Variants in PRDM5 observed in about 807,000 individuals in gnomAD.
PRDM5 encodes PR domain zinc finger protein 5.
PRDM5 carries 56 observed loss-of-function variants against 81.2 expected under a neutral mutation model. That is an observed-to-expected ratio of 0.69 (90% CI 0.56 to 0.86). The LOEUF (loss-of-function observed/expected upper bound fraction) is 0.86. PRDM5 is among the 40% of genes least tolerant of loss of function. The pLI, the probability that PRDM5 is intolerant of heterozygous loss-of-function variation, is 0.00. For missense variants in PRDM5, 697 were observed against 770.1 expected, an observed-to-expected ratio of 0.91 and a Z score of 1.12; for synonymous variants, 267 against 256.4, an observed-to-expected ratio of 1.04 and a Z score of -0.39.
At chr4:120,704,245 C>T (rs984465012) in intron 15 of PRDM5, among the ~76,000 whole-genome samples, 3 of 152,076 alleles carry the variant, frequency 2.0e-5, no homozygotes, top group African/African-American at 2.4e-5. Flanking sequence ...AACTGACTAC[C>T]CAGACATTAA....
intron 2 of PRDM5, among the ~76,000 whole-genome samples, chr4:120,883,313 T>C (rs1763053351): frequency 6.6e-6 from 1 of 152,178 alleles, no homozygotes; most frequent in African/African-American, 2.4e-5. Flanking sequence ...AATGTTTTCT[T>C]TTTCTAGTAT....
intron 2 of PRDM5, among the ~76,000 whole-genome samples, chr4:120,856,909 G>A (rs1433881594): frequency 6.6e-6 from 1 of 152,154 alleles, no homozygotes; most frequent in African/African-American, 2.4e-5. Context: ...GAAATGAAGT[G>A]TATTTGGTTA....
chr4:120,918,987 G>A (rs1724561321), intron 1 of PRDM5, among the ~76,000 whole-genome samples: 1 of 152,204 alleles, frequency 6.6e-6, no homozygotes, highest in Admixed American at 6.5e-5. Context: ...GCATGCCTCT[G>A]GCCAAAGCCC....
chr4:120,733,042 C>T (rs1234923929), intron 14 of PRDM5, among the ~76,000 whole-genome samples: 1 of 152,064 alleles, frequency 6.6e-6, no homozygotes, highest in Non-Finnish European at 1.5e-5. Context: ...TAGTCTCAAC[C>T]TACAAGACCA....
chr4:120,697,805 T>C (rs541419671), intron 15 of PRDM5, among the ~76,000 whole-genome samples: 1 of 150,542 alleles, frequency 6.6e-6, no homozygotes, highest in Non-Finnish European at 1.5e-5. Flanking sequence ...AGATGTGAGC[T>C]ACCACATCCA....
chr4:120,818,671 T>A, intron 4 of PRDM5, 144 bp from the exon 5 acceptor site: 3 of 715,588 alleles, frequency 4.2e-6, no homozygotes, highest in South Asian at 3.7e-5. Flanking sequence ...TAAATATTAA[T>A]AGTATTTGGC....
At chr4:120,740,188 G>T (rs1212545208) in intron 14 of PRDM5, among the ~76,000 whole-genome samples, 1 of 152,162 alleles carries the variant, frequency 6.6e-6, no homozygotes, top group Non-Finnish European at 1.5e-5. Context: ...AACAATAAAA[G>T]ATTCACTAAT....
intron 3 of PRDM5, among the ~76,000 whole-genome samples, chr4:120,835,624 A>C (rs546800098): frequency 6.6e-6 from 1 of 152,222 alleles, no homozygotes; most frequent in South Asian, 2.1e-4. Context: ...TCCATGTAGG[A>C]CGTGACTTGC....
intron 2 of PRDM5, among the ~76,000 whole-genome samples, chr4:120,871,071 C>T (rs898275269): frequency 6.6e-6 from 1 of 152,196 alleles, no homozygotes. Context: ...TCCCTCTCCA[C>T]ATGGGAAGAG....
chr4:120,755,766 T>C (rs1265367895), intron 13 of PRDM5, among the ~76,000 whole-genome samples: 4 of 152,140 alleles, frequency 2.6e-5, no homozygotes, highest in African/African-American at 9.7e-5. Flanking sequence ...GCTGGCCCCA[T>C]TGCACAATGG....
At chr4:120,750,231 G>A (rs1040235129) in intron 14 of PRDM5, among the ~76,000 whole-genome samples, 2 of 152,192 alleles carry the variant, frequency 1.3e-5, no homozygotes, top group African/African-American at 4.8e-5. Flanking sequence ...CTAGGGTAGA[G>A]GCAGAAATGC....
Position 120,740,215 on chromosome 4 carries a change from C to T in PRDM5, c.1623+14338G>A, listed in dbSNP as rs193182353. Among the ~76,000 whole-genome samples the T allele has an allele frequency of 2.2e-3, 337 of 152,186 alleles. 3 individuals are homozygous for T. The highest frequency in any genetic ancestry group is 4.0e-4 in the Non-Finnish European group (27 of 67,998). ...TTCACTAATTCCAAAATCGAATTAA[C>T]GATATTTTCAAACAGTGACAATGAG... On this transcript the variant is annotated intron_variant, in intron 14 of 15. Transcript: ENST00000264808.
intron 2 of PRDM5, among the ~76,000 whole-genome samples, chr4:120,879,932 C>G (rs1762681857): frequency 6.6e-6 from 1 of 152,126 alleles, no homozygotes; most frequent in South Asian, 2.1e-4. Context: ...CTATATGACA[C>G]TGTAGCAGTG....
intron 2 of PRDM5, among the ~76,000 whole-genome samples, chr4:120,886,596 T>A (rs1341664403): frequency 6.6e-6 from 1 of 152,216 alleles, no homozygotes; most frequent in Non-Finnish European, 1.5e-5. Flanking sequence ...GTTTCCTTTT[T>A]TTAACCTTTA....
At chr4:120,698,253 A>G (rs1434776262) in intron 15 of PRDM5, among the ~76,000 whole-genome samples, 2 of 152,198 alleles carry the variant, frequency 1.3e-5, no homozygotes, top group Non-Finnish European at 2.9e-5. Context: ...TAATCTCTAC[A>G]TTGCCAAATC....
intron 2 of PRDM5, among the ~76,000 whole-genome samples, chr4:120,875,887 A>G (rs1199079647): frequency 6.6e-6 from 1 of 152,208 alleles, no homozygotes; most frequent in Admixed American, 6.5e-5. Context: ...TTGCTTCTAA[A>G]CAGTATTTTA....
At chr4:120,851,793 G>T (rs914303805) in intron 3 of PRDM5, among the ~76,000 whole-genome samples, 3 of 152,252 alleles carry the variant, frequency 2.0e-5, no homozygotes, top group Admixed American at 1.3e-4. Context: ...AGAATTGAAT[G>T]AAATCAGTGT....
chr4:120,782,020 C>A (rs963447021), intron 11 of PRDM5, among the ~76,000 whole-genome samples: 9 of 151,726 alleles, frequency 5.9e-5, no homozygotes, highest in African/African-American at 2.2e-4. Context: ...GGAAAGCAAC[C>A]TCAGAAAACA....
chr4:120,846,617 T>C (rs1758678767), intron 3 of PRDM5, among the ~76,000 whole-genome samples: 2 of 152,212 alleles, frequency 1.3e-5, no homozygotes, highest in Admixed American at 1.3e-4. Flanking sequence ...GGTGTTTTAC[T>C]GAGATACTCA....
Sources: gnomAD v4.1 joint callset for allele counts (sites outside exome capture counted in the v4.1 genomes callset) on GRCh38, gnomAD v4.1.1 for gene constraint, MANE v1.5 for transcripts, NCBI Gene and HGNC (gene_info 2026-07-23, HGNC 2026-07-21) for gene names.